TRIM68: variants seen among roughly 807,000 people sequenced by gnomAD.
TRIM68 encodes tripartite motif containing 68, also known as E3 ubiquitin-protein ligase TRIM68.
Under a neutral mutation model 41.9 loss-of-function variants are expected in TRIM68, and 36 were observed. The ratio of observed to expected loss-of-function variants is 0.86; its 90% CI spans 0.66 to 1.14. The LOEUF (loss-of-function observed/expected upper bound fraction) is 1.14, where lower values mean the gene tolerates loss of function less well. Among genes scored for constraint, TRIM68 ranks in the 50% most tolerant of loss-of-function variants. The pLI is 0.00. For missense variants in TRIM68, 632 were observed against 605.1 expected (o/e 1.04, Z -0.47); for synonymous variants, 225 against 224.6 (o/e 1.00, Z -0.02).
chr11:4,605,319 A>T lies in TRIM68; in HGVS notation c.186T>A (p.Ala62=). Reference sequence around the variant, plus strand: ...GCCGCAGGTTCCTTGGCTGGACAGGAGCTCGACAGAGGGGACAGGTGTAAC... The same window carrying T: ...GCCGCAGGTTCCTTGGCTGGACAGGTGCTCGACAGAGGGGACAGGTGTAAC... The part of the protein sequence containing the change: ...NWGYTCPLCR[A]PVQPRNLRPN... The change falls in exon 2 of 7, where the codon GCT becomes GCA. Residue 62 remains alanine, a synonymous_variant. Transcript: ENST00000300747. 6.2e-7 allele frequency: 1 copy of T among 1,614,242 alleles called. No homozygotes were observed. Among genetic ancestry groups the T allele is most frequent in the South Asian group, 1.1e-5 (1 of 91,086 alleles).
In TRIM68 at chr11:4,601,060, G is replaced by C; in HGVS notation, c.874C>G (p.Leu292Val). ...SLELKTDCRV[L>V]GLREILKTYA... is the part of the protein sequence containing the mutation. ...GTCTTCAGGATCTCTCTTAGCCCCA[G>C]CACACGGCAATCTGTCTTCAACTCC... The change falls in exon 6 of 7, where the codon CTG becomes GTG. Residue 292 changes from leucine (L) to valine (V), a missense_variant. Transcript: ENST00000300747. The C allele has an allele frequency of 6.2e-7, 1 of 1,614,166 alleles. No homozygotes were observed. Among genetic ancestry groups the C allele is most frequent in the Non-Finnish European group, 8.5e-7 (1 of 1,180,026 alleles).
At position 4,603,306 on chromosome 11, in the gene TRIM68, T is replaced by TTCTTCAGATGTTCGAG; in HGVS notation, c.445_460dup (p.Lys154ThrfsTer15). On this transcript the variant is annotated frameshift_variant, in exon 3 of 7. Transcript: ENST00000300747. LOFTEE classifies it high-confidence loss of function. Reference sequence around the variant, plus strand: ...AAGCTTCCAGGCCTCTTCTTGCTCTTTCTTCAGATGTTCGAGGGCCTCATG... The same window carrying TTCTTCAGATGTTCGAG: ...AAGCTTCCAGGCCTCTTCTTGCTCTTTCTTCAGATGTTCGAGTCTTCAGATGTTCGAGGGCCTCATG... 1 of 1,614,210 alleles carries TTCTTCAGATGTTCGAG rather than the reference T, an allele frequency of 6.2e-7. No homozygotes were observed. Among genetic ancestry groups the TTCTTCAGATGTTCGAG allele is most frequent in the Non-Finnish European group, 8.5e-7 (1 of 1,180,028 alleles).
intron 2 of TRIM68, 30 bp from the exon 3 acceptor site, chr11:4,603,370 C>T (rs1193402268): frequency 3.7e-6 from 6 of 1,606,646 alleles, no homozygotes; most frequent in South Asian, 1.1e-5. Context: ...CATGAGGCCA[C>T]CTCCGGCAGC....
chr11:4,601,977 G>C (rs1387495848), intron 4 of TRIM68, 175 bp downstream of exon 4: 2 of 970,976 alleles, frequency 2.1e-6, no homozygotes, highest in Non-Finnish European at 3.0e-6. Context: ...AACAGACCAG[G>C]TCATCCACCA....
At position 4,600,439 on chromosome 11, in the gene TRIM68, T is replaced by C. The variant is rs753638502; in HGVS notation, c.1295A>G (p.His432Arg). 67 of 1,613,966 alleles carry C rather than the reference T, an allele frequency of 4.2e-5. No individual in the cohort carries two copies. The Middle Eastern group carries it at 1.2e-3, about 28-fold the overall frequency. Residue 432 changes from histidine (H) to arginine (R), a missense_variant, in exon 7 of 7, where the codon CAT (histidine) becomes CGT (arginine). Physicochemically the swap from His to Arg is conservative, Grantham distance 29. Transcript: ENST00000300747. ...AGTCACATTGTAGAAAGAAATGTCATGGGCCTCATAATCCACGAAGATTCC... is the reference window on the plus strand; with the variant it reads ...AGTCACATTGTAGAAAGAAATGTCACGGGCCTCATAATCCACGAAGATTCC... ...RVGIFVDYEA[H>R]DISFYNVTDC...
chr11:4,607,343 T>C (rs979700895), intron 1 of TRIM68, among the ~76,000 whole-genome samples: 1 of 152,226 alleles, frequency 6.6e-6, no homozygotes, highest in Non-Finnish European at 1.5e-5. Flanking sequence ...ACGTGAAAAC[T>C]AAATGTAAAT....
chr11:4,600,043 GTCGTGCTTCCCTCA>G lies in TRIM68; in HGVS notation c.*219_*232del. The stretch of plus-strand genomic sequence containing the variant: ...TGCTCTGATCCTCACCATCAGCCCT[GTCGTGCTTCCCTCA>G]TGGGATGCAATGCTCATTTGACTGG... On this transcript the variant is annotated 3_prime_UTR_variant, in exon 7 of 7. Coordinates refer to ENST00000300747, the MANE Select transcript of TRIM68 (RefSeq NM_018073.8). The G allele has an allele frequency of 2.1e-6, 1 of 478,456 alleles. No individual in the cohort carries two copies. The highest frequency in any genetic ancestry group is 3.7e-6 in the Non-Finnish European group (1 of 270,722). The allele number at this position is 478,456 out of a possible 1,614,324, so 29.6% of individuals were successfully genotyped here.
chr11:4,602,520 G>A lies in TRIM68; in HGVS notation c.523-108C>T, dbSNP rs557776508. The A allele has an allele frequency of 3.6e-6, 5 of 1,397,434 alleles. No homozygotes were observed. In the South Asian group the frequency reaches 6.8e-5, roughly 19 times the overall value. 86.6% of individuals were successfully genotyped at this position (1,397,434 alleles called of 1,614,324 possible). On this transcript the variant is annotated intron_variant, in intron 3 of 6. Transcript: ENST00000300747. ...CTGCAATGGTACCAACCACGTGACAGGCTATGCAGGGGCAAAGATAAAGGA... is the reference window on the plus strand; with the variant it reads ...CTGCAATGGTACCAACCACGTGACAAGCTATGCAGGGGCAAAGATAAAGGA...
At chr11:4,607,041 G>C (rs762793935) in intron 1 of TRIM68, among the ~76,000 whole-genome samples, 12 of 152,070 alleles carry the variant, frequency 7.9e-5, no homozygotes, top group Admixed American at 2.0e-4. Flanking sequence ...CCTGGCTCCC[G>C]GTTAACAAGA....
At chr11:4,604,756 G>A (rs1211697852) in intron 2 of TRIM68, among the ~76,000 whole-genome samples, 1 of 152,208 alleles carries the variant, frequency 6.6e-6, no homozygotes, top group Admixed American at 6.5e-5. Context: ...AGAGCCTCAT[G>A]CCTAAACTCA....
At position 4,600,266 on chromosome 11, in the gene TRIM68, G is replaced by A; in HGVS notation, c.*10C>T. The A allele has an allele frequency of 6.4e-7, 1 of 1,558,402 alleles. No homozygotes were observed. The highest frequency in any genetic ancestry group is 8.7e-7 in the Non-Finnish European group (1 of 1,153,206). ...AATTCCAAGCCTCTCTGGTTAGGGTGGTAGCTTTCTTAGTCCTCCCCATCC... is the reference window on the plus strand; with the variant it reads ...AATTCCAAGCCTCTCTGGTTAGGGTAGTAGCTTTCTTAGTCCTCCCCATCC... On this transcript the variant is annotated 3_prime_UTR_variant, in exon 7 of 7. Coordinates refer to ENST00000300747, the MANE Select transcript of TRIM68 (RefSeq NM_018073.8).
At position 4,601,088 on chromosome 11, in the gene TRIM68, G is replaced by C. The variant is rs746871282; in HGVS notation, c.846C>G (p.Ser282=). ...SWSLQQPEPI[S]LELKTDCRVL... is the part of the protein sequence containing the mutation. The stretch of plus-strand genomic sequence containing the variant: ...CACGGCAATCTGTCTTCAACTCCAG[G>C]GAGATTGGTTCTGGCTGCTGCAAGC... Residue 282 remains serine (S), a synonymous_variant, in exon 6 of 7, where the codon TCC becomes TCG. Transcript: ENST00000300747. 1 of 1,614,190 alleles carries C rather than the reference G, an allele frequency of 6.2e-7. No individual in the cohort carries two copies. The highest frequency in any genetic ancestry group is 8.5e-7 in the Non-Finnish European group (1 of 1,180,020).
In TRIM68 at chr11:4,600,189, A is replaced by AG. The variant is rs965420216; in HGVS notation, c.*86dup. 150 of 1,350,040 alleles carry AG rather than the reference A, an allele frequency of 1.1e-4. No individual in the cohort carries two copies. In the African/African-American group the frequency reaches 2.0e-3, roughly 18 times the overall value. 83.6% of individuals were successfully genotyped at this position (1,350,040 alleles called of 1,614,324 possible). On this transcript the variant is annotated 3_prime_UTR_variant, in exon 7 of 7. Transcript: ENST00000300747. ...TGGATACTGGGCTCAGCTCAGTTTC[A>AG]GGGGATACCTGTCAGTGGCTCGGTC...
In TRIM68 at chr11:4,600,009, C is replaced by A. The variant is rs1338027015; in HGVS notation, c.*267G>T. On this transcript the variant is annotated 3_prime_UTR_variant, in exon 7 of 7. Coordinates refer to ENST00000300747, the MANE Select transcript of TRIM68 (RefSeq NM_018073.8). ...TCCTGATCCTTACCCCAACGAGTCA[C>A]CTTAGAACTGCTCTGATCCTCACCA... 3 of 397,338 alleles carry A rather than the reference C, an allele frequency of 7.6e-6. No homozygotes were observed. The highest frequency in any genetic ancestry group is 4.0e-5 in the African/African-American group (2 of 50,544). 24.6% of individuals were successfully genotyped at this position (397,338 alleles called of 1,614,324 possible).
At chr11:4,606,945 C>T (rs1193918121) in intron 1 of TRIM68, among the ~76,000 whole-genome samples, 3 of 152,324 alleles carry the variant, frequency 2.0e-5, no homozygotes, top group Non-Finnish European at 4.4e-5. Context: ...TCCTGCTTTT[C>T]TTCCTCCCAC....
chr11:4,601,784 C>T (rs1276521178), intron 4 of TRIM68, 98 bp from the exon 5 acceptor site: 1 of 1,374,454 alleles, frequency 7.3e-7, no homozygotes, highest in African/African-American at 1.4e-5. Flanking sequence ...GGAAGGGAGA[C>T]AGATACCAAG....
At chr11:4,601,831 A>G (rs1234080446) in intron 4 of TRIM68, 145 bp from the exon 5 acceptor site, 4 of 957,064 alleles carry the variant, frequency 4.2e-6, no homozygotes, top group African/African-American at 1.6e-5. Context: ...GGAGAAGCCT[A>G]TGGAAGGATG....
rs184123281 is a variant in TRIM68 at position 4,599,937 on chromosome 11, C to T, written c.*339G>A. The T allele has an allele frequency of 2.6e-4, 55 of 210,578 alleles. No individual in the cohort carries two copies. Among genetic ancestry groups the T allele is most frequent in the Admixed American group, 2.2e-3 (41 of 18,892 alleles). 13.0% of individuals were successfully genotyped at this position (210,578 alleles called of 1,614,324 possible). ...ATCCTCACTGACTGAACTGTGACAC[C>T]GGACGGGAATCAGGGAAGAGGGTGG... On this transcript the variant is annotated 3_prime_UTR_variant, in exon 7 of 7. Coordinates refer to ENST00000300747, the MANE Select transcript of TRIM68 (RefSeq NM_018073.8).
At chr11:4,603,728 T>C (rs1846527922) in intron 2 of TRIM68, among the ~76,000 whole-genome samples, 1 of 152,216 alleles carries the variant, frequency 6.6e-6, no homozygotes, top group Non-Finnish European at 1.5e-5. Context: ...ACCTAGGAGC[T>C]TGTTAGAAAT....
Sources: allele counts gnomAD v4.1 joint callset (sites outside exome capture counted in the v4.1 genomes callset), GRCh38; gene constraint gnomAD v4.1.1; transcripts MANE v1.5; gene names NCBI Gene and HGNC (gene_info 2026-07-23, HGNC 2026-07-21).